The following ABL1 variants were observed in gnomAD, a reference collection of about 807,000 sequenced individuals.
ABL1 encodes tyrosine-protein kinase ABL1.
ABL1 carries 11 observed loss-of-function variants against 94.7 expected under a neutral mutation model. That is an observed-to-expected ratio of 0.12 (90% CI 0.07 to 0.19). The LOEUF (loss-of-function observed/expected upper bound fraction) is 0.19. Among genes scored for constraint, ABL1 ranks in the 10% least tolerant of loss-of-function variants. ABL1 has a pLI of 1.00. For missense variants in ABL1, 1,082 were observed against 1,489.4 expected (o/e 0.73, Z 4.50); for synonymous variants, 656 against 622.4 (o/e 1.05, Z -0.80).
intron 8 of ABL1, among the ~76,000 whole-genome samples, chr9:130,879,129 G>A (rs1831405342): frequency 2.0e-5 from 3 of 151,914 alleles, no homozygotes; most frequent in African/African-American, 7.3e-5. Context: ...TGCCTGCCTC[G>A]GCCTCCCAAA....
intron 1 of ABL1, among the ~76,000 whole-genome samples, chr9:130,805,471 G>T (rs113462530): frequency 2.0e-5 from 3 of 152,118 alleles, no homozygotes; most frequent in African/African-American, 7.2e-5. Context: ...GGAATTTCTT[G>T]ACTGTTTACT....
At chr9:130,848,345 GAA>G (rs34112720) in intron 1 of ABL1, among the ~76,000 whole-genome samples, 92 of 69,724 alleles carry the variant, frequency 1.3e-3, no homozygotes, top group African/African-American at 4.0e-3. Flanking sequence ...TACTGAAAAT[GAA>G]AAAAAAAAAA....
At chr9:130,716,885 G>A (rs1831448967) in intron 1 of ABL1, among the ~76,000 whole-genome samples, 1 of 151,974 alleles carries the variant, frequency 6.6e-6, no homozygotes, top group South Asian at 2.1e-4. Flanking sequence ...CAAGTAGCTG[G>A]GATTACAGGT....
At chr9:130,775,386 G>A (rs561291310) in intron 1 of ABL1, among the ~76,000 whole-genome samples, 1 of 152,222 alleles carries the variant, frequency 6.6e-6, no homozygotes, top group African/African-American at 2.4e-5. Flanking sequence ...GAAATAAAAT[G>A]TGAAATAGAA....
chr9:130,742,732 C>T (rs552237992), intron 1 of ABL1, among the ~76,000 whole-genome samples: 33 of 152,172 alleles, frequency 2.2e-4, no homozygotes, highest in Non-Finnish European at 3.5e-4. Context: ...GTCATGTACC[C>T]TTATTAGAAT....
chr9:130,817,914 G>A (rs1167256347), intron 1 of ABL1, among the ~76,000 whole-genome samples: 1 of 152,186 alleles, frequency 6.6e-6, no homozygotes, highest in Admixed American at 6.5e-5. Context: ...TTCACATAGA[G>A]GCTTTGGTGT....
chr9:130,738,314 G>T (rs1240714169), intron 1 of ABL1, among the ~76,000 whole-genome samples: 1 of 152,116 alleles, frequency 6.6e-6, no homozygotes, highest in South Asian at 2.1e-4. Flanking sequence ...GGTAACTTGG[G>T]TTGCATGCTT....
chr9:130,744,677 G>A (rs1831862317), intron 1 of ABL1, among the ~76,000 whole-genome samples: 1 of 149,844 alleles, frequency 6.7e-6, no homozygotes, highest in African/African-American at 2.4e-5. Context: ...GTGATGAAAT[G>A]CCATCTCTAC....
intron 1 of ABL1, among the ~76,000 whole-genome samples, chr9:130,802,730 G>A (rs34968654): frequency 3.0e-3 from 455 of 152,250 alleles, no homozygotes; most frequent in Middle Eastern, 6.8e-3. Flanking sequence ...GAACTAATTT[G>A]TCCCACTGTC....
chr9:130,815,087 A>C (rs962535331), intron 1 of ABL1, among the ~76,000 whole-genome samples: 1 of 151,958 alleles, frequency 6.6e-6, no homozygotes, highest in African/African-American at 2.4e-5. Context: ...TAATCCCAGC[A>C]CTTTGGGAGG....
chr9:130,768,868 C>T (rs1832216584), intron 1 of ABL1, among the ~76,000 whole-genome samples: 1 of 152,144 alleles, frequency 6.6e-6, no homozygotes, highest in Non-Finnish European at 1.5e-5. Flanking sequence ...CACTCTGTGG[C>T]TGTTAAAGAG....
chr9:130,830,206 A>G (rs1830477698), intron 1 of ABL1, among the ~76,000 whole-genome samples: 1 of 152,188 alleles, frequency 6.6e-6, no homozygotes, highest in Non-Finnish European at 1.5e-5. Flanking sequence ...CTTGTTAATT[A>G]TAAAAATATA....
Position 130,884,323 on chromosome 9 carries a change from G to A in ABL1, c.2033G>A (p.Gly678Asp), listed in dbSNP as rs752701660. The change falls in exon 11 of 11, where the codon GGC (glycine) becomes GAC (aspartate). Residue 678 changes from glycine to aspartate, a missense_variant. Coordinates refer to ENST00000318560, the MANE Select transcript of ABL1 (RefSeq NM_005157.6). The surrounding 1 kb of genome is among the most constrained non-coding windows in gnomAD (Gnocchi z 5.6). ...AATGGAGCCCTCCGGGAGTCCGGGGGCTCAGGCTTCCGGTCTCCCCACCTG... is the reference window on the plus strand; with the variant it reads ...AATGGAGCCCTCCGGGAGTCCGGGGACTCAGGCTTCCGGTCTCCCCACCTG... ...VPNGALRESG[G>D]SGFRSPHLWK... The A allele has an allele frequency of 1.7e-5, 27 of 1,611,860 alleles. No homozygotes were observed. The East Asian group carries it at 5.6e-4, about 33-fold the overall frequency.
At chr9:130,760,321 TGGCCATTA>T (rs1832094886) in intron 1 of ABL1, among the ~76,000 whole-genome samples, 1 of 152,178 alleles carries the variant, frequency 6.6e-6, no homozygotes, top group African/African-American at 2.4e-5. Context: ...GGGACACTGT[TGGCCATTA>T]GGATTCCTGT....
Position 130,884,021 on chromosome 9 carries a change from A to G in ABL1, c.1731A>G (p.Arg577=). The change falls in exon 11 of 11, where the codon CGA becomes CGG. Residue 577 remains arginine (R), a synonymous_variant. Transcript: ENST00000318560. This position sits in a 1 kb window ranked among gnomAD's most constrained non-coding sequence, Gnocchi z 5.6. The part of the protein sequence containing the change: ...AVSPLLPRKE[R]GPPEGGLNED... ...CTCCATTGCTCCCTCGAAAAGAGCG[A>G]GGTCCCCCGGAGGGCGGCCTGAATG... 6.2e-7 allele frequency: 1 copy of G among 1,613,838 alleles called. No individual in the cohort carries two copies. Among genetic ancestry groups the G allele is most frequent in the Non-Finnish European group, 8.5e-7 (1 of 1,180,018 alleles).
At chr9:130,813,330 G>A (rs1478849232) in intron 1 of ABL1, among the ~76,000 whole-genome samples, 1 of 151,984 alleles carries the variant, frequency 6.6e-6, no homozygotes, top group Non-Finnish European at 1.5e-5. Context: ...GGGAGGCTGA[G>A]GCGGGCGGAT....
rs191797600 is a variant in ABL1 at position 130,723,872 on chromosome 9, C to T, written c.136+9417C>T. ...TGTCACCCAGGCTGGAGTGCAGTGG[C>T]GCGATCTTGGCTCACTGCAAGTTCC... On this transcript the variant is annotated intron_variant, in intron 1 of 10. Coordinates refer to the ABL1 transcript ENST00000372348. Among the ~76,000 whole-genome samples the T allele has an allele frequency of 2.4e-3, 348 of 147,208 alleles. 1 individual carries two copies. The highest frequency in any genetic ancestry group is 8.4e-3 in the African/African-American group (334 of 39,688).
rs567675350 is a variant in ABL1 at position 130,761,190 on chromosome 9, A to C, written c.136+46735A>C. Among the ~76,000 whole-genome samples, 14 of 152,140 alleles carry C rather than the reference A, an allele frequency of 9.2e-5. No individual in the cohort carries two copies. In the East Asian group the frequency reaches 2.7e-3, roughly 29 times the overall value. On this transcript the variant is annotated intron_variant, in intron 1 of 10. Coordinates refer to the ABL1 transcript ENST00000372348. ...CACTGTGTTACCCAGGATGGTCTCG[A>C]TCTCCTGACCTCGTGATCCACCCGC...
intron 1 of ABL1, among the ~76,000 whole-genome samples, chr9:130,745,022 A>G (rs931349199): frequency 6.6e-6 from 1 of 152,006 alleles, no homozygotes; most frequent in African/African-American, 2.4e-5. Flanking sequence ...TATCTGAGAC[A>G]AAGTGGGCAA....
Sources: allele counts gnomAD v4.1 joint callset (sites outside exome capture counted in the v4.1 genomes callset), GRCh38; gene constraint gnomAD v4.1.1; non-coding constraint Gnocchi (gnomAD v3.1); transcripts MANE v1.5; gene names NCBI Gene and HGNC (gene_info 2026-07-23, HGNC 2026-07-21).